KAT2B: variants seen among roughly 807,000 people sequenced by gnomAD.
KAT2B encodes lysine acetyltransferase 2B, also known as histone acetyltransferase KAT2B.
KAT2B carries 36 observed loss-of-function variants against 105.9 expected under a neutral mutation model. The ratio of observed to expected loss-of-function variants is 0.34; its 90% CI spans 0.26 to 0.45. The LOEUF is 0.45. Ranked by LOEUF, KAT2B falls within the 20% of genes least tolerant of loss-of-function variation. KAT2B has a pLI of 1.00. For missense variants in KAT2B, 820 were observed against 1,021.6 expected (o/e 0.80, Z 2.69); for synonymous variants, 397 against 377.9 (o/e 1.05, Z -0.59).
At chr3:20,093,485 CAAG>C (rs1355530848) in intron 2 of KAT2B, among the ~76,000 whole-genome samples, 1 of 151,990 alleles carries the variant, frequency 6.6e-6, no homozygotes, top group Non-Finnish European at 1.5e-5. Context: ...AGTTGGAAAC[CAAG>C]AGTTGTGGTA....
chr3:20,046,090 A>G (rs1224943192), intron 1 of KAT2B, among the ~76,000 whole-genome samples: 2 of 152,216 alleles, frequency 1.3e-5, no homozygotes, highest in African/African-American at 4.8e-5. Flanking sequence ...GTTAAAAGAA[A>G]AAAGTGTCCC....
chr3:20,122,598 T>G, intron 8 of KAT2B, 70 bp from the exon 9 acceptor site: 1 of 1,239,096 alleles, frequency 8.1e-7, no homozygotes, highest in Admixed American at 2.0e-5. Flanking sequence ...GTTAGAAAAT[T>G]AGTTGGCGTG....
intron 13 of KAT2B, among the ~76,000 whole-genome samples, chr3:20,145,501 G>A (rs990454807): frequency 8.1e-5 from 10 of 123,478 alleles, no homozygotes; most frequent in Non-Finnish European, 1.4e-4. Context: ...GTTTTGTTTC[G>A]TTTTTCCAAA....
At chr3:20,069,607 C>T (rs1409249323) in intron 1 of KAT2B, among the ~76,000 whole-genome samples, 4 of 150,992 alleles carry the variant, frequency 2.6e-5, no homozygotes, top group Non-Finnish European at 4.4e-5. Context: ...CTCACGGCAA[C>T]CTCTGCCGCC....
At chr3:20,131,970 G>A (rs1042622991) in intron 11 of KAT2B, among the ~76,000 whole-genome samples, 3 of 152,182 alleles carry the variant, frequency 2.0e-5, no homozygotes, top group African/African-American at 7.2e-5. Context: ...ATAAATTCCT[G>A]TGAATTCTTT....
intron 13 of KAT2B, among the ~76,000 whole-genome samples, chr3:20,143,764 A>G (rs1699734747): frequency 6.6e-6 from 1 of 152,232 alleles, no homozygotes; most frequent in South Asian, 2.1e-4. Context: ...CATTATCCTA[A>G]GCAGATTAAC....
At chr3:20,087,826 A>G (rs1157335004) in intron 2 of KAT2B, among the ~76,000 whole-genome samples, 3 of 152,164 alleles carry the variant, frequency 2.0e-5, no homozygotes, top group Non-Finnish European at 2.9e-5. Flanking sequence ...CCAGGCCAGA[A>G]TGCAGTGGTA....
intron 5 of KAT2B, among the ~76,000 whole-genome samples, chr3:20,110,860 C>G (rs950445980): frequency 6.6e-6 from 1 of 152,068 alleles, no homozygotes; most frequent in Non-Finnish European, 1.5e-5. Flanking sequence ...GGGTCCTCCT[C>G]CAGCGTCGTG....
chr3:20,093,288 G>A (rs1468122805), intron 2 of KAT2B, among the ~76,000 whole-genome samples: 9 of 152,190 alleles, frequency 5.9e-5, no homozygotes, highest in Admixed American at 5.9e-4. Flanking sequence ...ACTCAATTCT[G>A]TGCAGGAATA....
rs1452720488 is a variant in KAT2B at position 20,040,518 on chromosome 3, C to T, written c.41C>T (p.Ala14Val). 2.9e-6 allele frequency: 3 copies of T among 1,027,190 alleles called. No individual in the cohort carries two copies. The highest frequency in any genetic ancestry group is 1.7e-4 in the East Asian group (2 of 12,118). The allele number at this position is 1,027,190 out of a possible 1,614,324, so 63.6% of individuals were successfully genotyped here. Reference protein sequence around the residue: ...AGGAGPGGCGAGAGAGAGPGA... With the variant: ...AGGAGPGGCGVGAGAGAGPGA... ...GGGGCCGGGCCGGGCGGCTGCGGGG[C>T]AGGAGCCGGGGCAGGGGCCGGGCCC... Residue 14 changes from alanine (A) to valine (V), a missense_variant, in exon 1 of 18, where the codon GCA becomes GTA. Around this residue, in one of 6 missense-constraint regions of KAT2B, gnomAD observed 190 missense variants for 176.7 expected, o/e 1.08. Coordinates refer to ENST00000263754, the MANE Select transcript of KAT2B (RefSeq NM_003884.5).
intron 2 of KAT2B, among the ~76,000 whole-genome samples, chr3:20,080,847 T>G (rs1028365421): frequency 6.6e-6 from 1 of 152,246 alleles, no homozygotes; most frequent in Non-Finnish European, 1.5e-5. Flanking sequence ...AATAATACTT[T>G]GGTATATATT....
intron 8 of KAT2B, among the ~76,000 whole-genome samples, chr3:20,121,375 C>G (rs2125173894): frequency 6.6e-6 from 1 of 152,166 alleles, no homozygotes; most frequent in African/African-American, 2.4e-5. Context: ...AAAAAATTTA[C>G]TTGTAAAAAT....
intron 5 of KAT2B, among the ~76,000 whole-genome samples, chr3:20,105,099 T>C (rs186900581): frequency 2.2e-3 from 339 of 152,278 alleles, no homozygotes; most frequent in Middle Eastern, 3.4e-3. Context: ...TTGGCCAGGC[T>C]AGTCTCGAAC....
chr3:20,098,898 A>G (rs1698858867), intron 3 of KAT2B, among the ~76,000 whole-genome samples: 2 of 152,118 alleles, frequency 1.3e-5, no homozygotes, highest in Non-Finnish European at 2.9e-5. Flanking sequence ...GTCATCTTCA[A>G]TCTTGGTGGT....
chr3:20,073,837 A>T (rs1471581403), intron 2 of KAT2B, among the ~76,000 whole-genome samples: 7 of 152,260 alleles, frequency 4.6e-5, no homozygotes. Flanking sequence ...GAAATCCTTA[A>T]GCCCTAGGCT....
chr3:20,148,073 C>T (rs116785376), intron 15 of KAT2B, 74 bp downstream of exon 15: 30,317 of 1,487,700 alleles, frequency 0.02, 368 homozygotes, highest in Non-Finnish European at 0.024. Flanking sequence ...TAAAGAAAAA[C>T]GGCAAACTAA....
chr3:20,107,675 A>G (rs1486637759), intron 5 of KAT2B, among the ~76,000 whole-genome samples: 1 of 149,010 alleles, frequency 6.7e-6, no homozygotes, highest in African/African-American at 2.5e-5. Flanking sequence ...AAAAAAAACC[A>G]CAAAAACAAA....
chr3:20,043,801 C>T (rs1257680860), intron 1 of KAT2B, among the ~76,000 whole-genome samples: 2 of 151,996 alleles, frequency 1.3e-5, no homozygotes, highest in Non-Finnish European at 2.9e-5. Context: ...GTGGTTCTCT[C>T]TCAGCTTGTT....
At chr3:20,101,164 T>G in intron 4 of KAT2B, 123 bp from the exon 5 acceptor site, 2 of 740,112 alleles carry the variant, frequency 2.7e-6, no homozygotes, top group Non-Finnish European at 4.3e-6. Flanking sequence ...AAGGAAGAGA[T>G]TTTTGTGAAT....
Sources: allele counts gnomAD v4.1 joint callset (sites outside exome capture counted in the v4.1 genomes callset), GRCh38; gene constraint gnomAD v4.1.1; regional missense constraint gnomAD v4.1.1; transcripts MANE v1.5; gene names NCBI Gene and HGNC (gene_info 2026-07-23, HGNC 2026-07-21).